Variants in GALNT10 observed in about 807,000 individuals in gnomAD.
The protein encoded by GALNT10 is polypeptide N-acetylgalactosaminyltransferase 10, also known as GalNAc transferase 10.
A neutral mutation model predicts 75.0 loss-of-function variants in GALNT10; 41 were observed. The ratio of observed to expected loss-of-function variants is 0.55; its 90% CI spans 0.43 to 0.71. GALNT10 has a LOEUF of 0.71. Among genes scored for constraint, GALNT10 ranks in the 30% least tolerant of loss-of-function variants. The pLI, the probability that GALNT10 is intolerant of heterozygous loss-of-function variation, is 0.00. For missense variants in GALNT10, 727 were observed against 818.5 expected, an observed-to-expected ratio of 0.89 and a Z score of 1.36; for synonymous variants, 302 against 313.0, an observed-to-expected ratio of 0.96 and a Z score of 0.37.
intron 1 of GALNT10, among the ~76,000 whole-genome samples, chr5:154,293,594 GATAT>G (rs754824803): frequency 3.2e-4 from 45 of 140,692 alleles, no homozygotes; most frequent in African/African-American, 3.7e-4. Flanking sequence ...TCTTGGGGCT[GATAT>G]ATATATATAT....
rs1753596014 is a variant in GALNT10, at chr5:154,255,677, CCACTTTCCCA to C, written c.160-39127_160-39118del. Among the ~76,000 whole-genome samples the C allele has an allele frequency of 2.6e-5, 4 of 152,052 alleles. No homozygotes were observed. In the South Asian group the frequency reaches 6.2e-4, roughly 24 times the overall value. ...CCTCCCTCCAGGTCTAGTATGTCTT[CCACTTTCCCA>C]CACTTTCCCACGCTGGTGGCTGGCT... On this transcript the variant is annotated intron_variant, in intron 1 of 11. Coordinates refer to ENST00000297107, the MANE Select transcript of GALNT10 (RefSeq NM_198321.4).
intron 4 of GALNT10, 82 bp downstream of exon 4, chr5:154,329,820 T>C: frequency 1.0e-6 from 1 of 973,050 alleles, no homozygotes; most frequent in Non-Finnish European, 1.6e-6. Context: ...TTCCCTTCTT[T>C]AGCAGCATCA....
intron 1 of GALNT10, among the ~76,000 whole-genome samples, chr5:154,279,878 A>C (rs1219575028): frequency 6.6e-6 from 1 of 152,188 alleles, no homozygotes; most frequent in Non-Finnish European, 1.5e-5. Flanking sequence ...TTCCTCAGAA[A>C]GCTAAAAATA....
At chr5:154,306,275 G>A (rs1251174894) in intron 3 of GALNT10, among the ~76,000 whole-genome samples, 1 of 152,016 alleles carries the variant, frequency 6.6e-6, no homozygotes, top group Non-Finnish European at 1.5e-5. Flanking sequence ...TATATTTTGG[G>A]CCAGAAAACA....
chr5:154,367,022 T>C lies in GALNT10; in HGVS notation c.569-9255T>C, dbSNP rs138324587. Among the ~76,000 whole-genome samples the C allele has an allele frequency of 3.3e-3, 501 of 152,230 alleles. 4 individuals carry two copies. The highest frequency in any genetic ancestry group is 0.011 in the African/African-American group (475 of 41,524). On this transcript the variant is annotated intron_variant, in intron 4 of 11. Transcript: ENST00000297107. ...GGTTTTTCAGATGGTAGGAGTAGAC[T>C]CATTGGAAGGTCATAAAATCAGTTT...
At chr5:154,219,812 G>GTT (rs1428682242) in intron 1 of GALNT10, 8 of 140,800 alleles carry the variant, frequency 5.7e-5, no homozygotes, top group Non-Finnish European at 1.2e-4. Flanking sequence ...ACTCTCTCGC[G>GTT]CTCTCTCTCT....
Position 154,190,919 on chromosome 5 carries a change from C to A in GALNT10, c.53C>A (p.Ala18Asp). Residue 18 changes from alanine (A) to aspartate (D), a missense_variant, in exon 1 of 12, where the codon GCC becomes GAC. Physicochemically the swap from Ala to Asp is moderately radical, Grantham distance 126 (BLOSUM62 -2). Coordinates refer to ENST00000297107, the MANE Select transcript of GALNT10 (RefSeq NM_198321.4). ...CAGGCGGTGGCGCTGGTGCTGGCGGCCCTGGTCCTCCTGCCCAACGTGGGG... is the reference window on the plus strand; with the variant it reads ...CAGGCGGTGGCGCTGGTGCTGGCGGACCTGGTCCTCCTGCCCAACGTGGGG... ...LLQAVALVLAALVLLPNVGLW... is the reference protein window; with the variant it reads ...LLQAVALVLADLVLLPNVGLW... 1 of 1,498,186 alleles carries A rather than the reference C, an allele frequency of 6.7e-7. No individual in the cohort carries two copies. Among genetic ancestry groups the A allele is most frequent in the East Asian group, 2.7e-5 (1 of 37,680 alleles). The allele number at this position is 1,498,186 out of a possible 1,614,324, so 92.8% of individuals were successfully genotyped here.
rs1482933031 is a variant in GALNT10, at chr5:154,386,259, G to C, written c.939-54G>C. The C allele has an allele frequency of 3.2e-6, 4 of 1,245,216 alleles. No homozygotes were observed. In the Admixed American group the frequency reaches 5.3e-5, roughly 17 times the overall value. The allele number at this position is 1,245,216 out of a possible 1,614,324, so 77.1% of individuals were successfully genotyped here. A position where few individuals can be genotyped will look rare whatever the true frequency, so the allele number is the denominator to read the frequency against. ...GGAATGGCATTATCGGGCCACATGAGAGCATGTGGCCAGGACATCTGCACC... is the reference window on the plus strand; with the variant it reads ...GGAATGGCATTATCGGGCCACATGACAGCATGTGGCCAGGACATCTGCACC... On this transcript the variant is annotated intron_variant, in intron 6 of 11. Transcript: ENST00000297107.
At chr5:154,374,727 A>C (rs982365513) in intron 4 of GALNT10, among the ~76,000 whole-genome samples, 2 of 152,202 alleles carry the variant, frequency 1.3e-5, no homozygotes, top group African/African-American at 4.8e-5. Context: ...ACGTGGAGGG[A>C]AAGCCTTCTC....
At chr5:154,198,006 C>T (rs1031048788) in intron 1 of GALNT10, among the ~76,000 whole-genome samples, 2 of 152,186 alleles carry the variant, frequency 1.3e-5, no homozygotes. Flanking sequence ...CAAGCCTGGA[C>T]ATCTGAGCAG....
At chr5:154,398,189 C>G (rs1424100192) in intron 7 of GALNT10, among the ~76,000 whole-genome samples, 3 of 152,218 alleles carry the variant, frequency 2.0e-5, no homozygotes, top group African/African-American at 7.2e-5. Flanking sequence ...TTTGGGAACT[C>G]CTGTGCTGGG....
chr5:154,416,518 C>CACACACACACACAT lies in GALNT10; in HGVS notation c.1654-296_1654-295insACACACACACACAT, dbSNP rs1554102729. 6.7e-6 allele frequency among the ~76,000 whole-genome samples: 1 copy of CACACACACACACAT among 149,142 alleles called. No homozygotes were observed. Among genetic ancestry groups the CACACACACACACAT allele is most frequent in the African/African-American group, 2.5e-5 (1 of 40,682 alleles). The stretch of plus-strand genomic sequence containing the variant: ...ACACACACACACACACACACACACA[C>CACACACACACACAT]GATAAGGACCAGTGAGGTCTGACAG... On this transcript the variant is annotated intron_variant, in intron 11 of 11. Coordinates refer to ENST00000297107, the MANE Select transcript of GALNT10 (RefSeq NM_198321.4). This position sits in a 1 kb window ranked among gnomAD's most constrained non-coding sequence, Gnocchi z 4.5.
At chr5:154,337,964 G>A (rs1442959086) in intron 4 of GALNT10, 33 of 1,576,160 alleles carry the variant, frequency 2.1e-5, no homozygotes, top group Non-Finnish European at 2.8e-5. Context: ...CGGAGTCATG[G>A]TCGTCAAAGG....
At chr5:154,396,418 G>C (rs1231849207) in intron 7 of GALNT10, among the ~76,000 whole-genome samples, 1 of 152,176 alleles carries the variant, frequency 6.6e-6, no homozygotes, top group Admixed American at 6.5e-5. Flanking sequence ...TGCAAGCCAA[G>C]GGTGACCCCT....
intron 4 of GALNT10, among the ~76,000 whole-genome samples, chr5:154,333,753 C>T (rs961212135): frequency 6.6e-6 from 1 of 152,078 alleles, no homozygotes; most frequent in Non-Finnish European, 1.5e-5. Flanking sequence ...AACCGAGGCC[C>T]CCTGATCACT....
chr5:154,317,531 G>T (rs1208832944), intron 3 of GALNT10, among the ~76,000 whole-genome samples: 1 of 152,066 alleles, frequency 6.6e-6, no homozygotes, highest in African/African-American at 2.4e-5. Flanking sequence ...CTCTGCCCAG[G>T]TCACTTTCTC....
intron 4 of GALNT10, 125 bp downstream of exon 4, chr5:154,329,863 C>G: frequency 1.7e-6 from 1 of 604,766 alleles, no homozygotes; most frequent in Admixed American, 2.9e-5. Flanking sequence ...AATGCCTGGA[C>G]GTTGCACTGT....
In GALNT10 at chr5:154,190,752, G is replaced by C. The variant is rs1006550899; in HGVS notation, c.-115G>C. The C allele has an allele frequency of 1.2e-5, 4 of 335,936 alleles. No homozygotes were observed. The highest frequency in any genetic ancestry group is 9.0e-5 in the African/African-American group (4 of 44,682). 20.8% of individuals were successfully genotyped at this position (335,936 alleles called of 1,614,324 possible). A position where few individuals can be genotyped will look rare whatever the true frequency, so the allele number is the denominator to read the frequency against. ...GCCGCGGAGTTGGAGCGGGGCCGGC[G>C]CCGCAGCCGCTTCTGCTGGCTGAGC... is the stretch of plus-strand genomic sequence containing the variant. On this transcript the variant is annotated 5_prime_UTR_variant, in exon 1 of 12. Coordinates refer to ENST00000297107, the MANE Select transcript of GALNT10 (RefSeq NM_198321.4).
intron 1 of GALNT10, among the ~76,000 whole-genome samples, chr5:154,276,678 A>G (rs1204521601): frequency 2.0e-5 from 3 of 152,216 alleles, no homozygotes; most frequent in Non-Finnish European, 2.9e-5. Context: ...TAGTTTAAAA[A>G]CACTAGTTTA....
Sources: gnomAD v4.1 joint callset for allele counts (sites outside exome capture counted in the v4.1 genomes callset) on GRCh38, gnomAD v4.1.1 for gene constraint, Gnocchi (gnomAD v3.1) non-coding constraint, MANE v1.5 for transcripts, NCBI Gene and HGNC (gene_info 2026-07-23, HGNC 2026-07-21) for gene names.